Variants in MGAT4C observed in about 807,000 individuals in gnomAD.
MGAT4C encodes MGAT4 family member C.
A neutral mutation model predicts 40.1 loss-of-function variants in MGAT4C; 19 were observed. The ratio of observed to expected loss-of-function variants is 0.47; its 90% CI spans 0.33 to 0.70. The LOEUF is 0.70. Among genes scored for constraint, MGAT4C ranks in the 30% least tolerant of loss-of-function variants. The pLI is 0.02. For missense variants in MGAT4C, 491 were observed against 563.2 expected, an observed-to-expected ratio of 0.87 and a Z score of 1.30; for synonymous variants, 181 against 187.1, an observed-to-expected ratio of 0.97 and a Z score of 0.27.
chr12:86,678,957 G>T (rs1269168380), intron 2 of MGAT4C, among the ~76,000 whole-genome samples: 3 of 152,046 alleles, frequency 2.0e-5, no homozygotes, highest in Non-Finnish European at 4.4e-5. Context: ...TAATGGGATG[G>T]CTGGGTCAAA....
At chr12:85,987,273 G>A (rs1312275572) in intron 3 of MGAT4C, among the ~76,000 whole-genome samples, 63 of 148,958 alleles carry the variant, frequency 4.2e-4, no homozygotes, top group African/African-American at 1.4e-3. Flanking sequence ...AGTAGCTGGG[G>A]CTACAGGCGC....
chr12:86,586,954 T>G lies in MGAT4C; in HGVS notation c.-229+140255A>C, dbSNP rs572506109. Among the ~76,000 whole-genome samples the G allele has an allele frequency of 9.2e-5, 14 of 152,282 alleles. No individual in the cohort carries two copies. The East Asian group carries it at 2.5e-3, about 27-fold the overall frequency. On this transcript the variant is annotated intron_variant, in intron 2 of 7. Transcript: ENST00000548651. ...TTTGCTGTGCAGAAGCTCTTTAGTT[T>G]AATTAGATCTCATTTGTCAATGTTG...
At chr12:86,250,089 A>G (rs1421888802) in intron 1 of MGAT4C, among the ~76,000 whole-genome samples, 3 of 152,304 alleles carry the variant, frequency 2.0e-5, no homozygotes. Flanking sequence ...TTGTAGAATG[A>G]GTCAGAGCAC....
Position 86,656,079 on chromosome 12 carries a change from G to T in MGAT4C, c.-229+71130C>A, listed in dbSNP as rs537875365. On this transcript the variant is annotated intron_variant, in intron 2 of 7. Coordinates refer to the MGAT4C transcript ENST00000548651. The stretch of plus-strand genomic sequence containing the variant: ...ATTAATTGACTTTCTCATAAGTAGA[G>T]CTTCAGTAAAGGCTTAGGACTACAT... 3.3e-5 allele frequency among the ~76,000 whole-genome samples: 5 copies of T among 152,050 alleles called. No individual in the cohort carries two copies. The South Asian group carries it at 1.0e-3, about 32-fold the overall frequency.
intron 2 of MGAT4C, among the ~76,000 whole-genome samples, 199 bp downstream of exon 2, chr12:86,049,475 G>A (rs1336085466): frequency 6.6e-6 from 1 of 151,974 alleles, no homozygotes; most frequent in East Asian, 1.9e-4. Flanking sequence ...CTTGTACTCA[G>A]AAATGTTCAA....
chr12:86,722,077 G>A (rs572501449), intron 2 of MGAT4C, among the ~76,000 whole-genome samples: 6 of 152,176 alleles, frequency 3.9e-5, no homozygotes, highest in African/African-American at 1.4e-4. Context: ...ATAGAAGAAT[G>A]TTATGGCTGG....
rs1295591823 is a variant in MGAT4C at position 85,968,217 on chromosome 12, TGTTTA to T, written c.*11067_*11071del. 6.6e-6 allele frequency: 1 copy of T among 152,070 alleles called. No homozygotes were observed. The highest frequency in any genetic ancestry group is 1.5e-5 in the Non-Finnish European group (1 of 67,944). The allele number at this position is 152,070 out of a possible 1,614,324, so 9.4% of individuals were successfully genotyped here. On this transcript the variant is annotated 3_prime_UTR_variant, in exon 5 of 5. Transcript: ENST00000611864. The stretch of plus-strand genomic sequence containing the variant: ...AGTTTTTCTCCTTCTTTCTTGAATA[TGTTTA>T]GTTAATTTTGTGGAAAGAGGAAGGC...
intron 2 of MGAT4C, among the ~76,000 whole-genome samples, chr12:86,708,754 C>T (rs1950507796): frequency 6.6e-6 from 1 of 152,164 alleles, no homozygotes; most frequent in Non-Finnish European, 1.5e-5. Flanking sequence ...CTGATAGCCC[C>T]ACCAGATTTT....
chr12:86,166,541 G>A (rs970824369), intron 1 of MGAT4C, among the ~76,000 whole-genome samples: 1 of 152,064 alleles, frequency 6.6e-6, no homozygotes, highest in African/African-American at 2.4e-5. Context: ...CTGTGGTGGC[G>A]CAGGCTTGTA....
intron 2 of MGAT4C, among the ~76,000 whole-genome samples, chr12:86,561,751 T>A (rs1280374634): frequency 6.6e-6 from 1 of 152,174 alleles, no homozygotes; most frequent in African/African-American, 2.4e-5. Flanking sequence ...CATATATACA[T>A]CTATCCTATT....
chr12:86,054,522 A>G (rs892322568), intron 1 of MGAT4C, among the ~76,000 whole-genome samples: 2 of 151,990 alleles, frequency 1.3e-5, no homozygotes, highest in African/African-American at 4.8e-5. Flanking sequence ...CAGTTCAGTG[A>G]CTATAGTTAA....
chr12:86,002,376 T>C (rs576972936), intron 2 of MGAT4C: 2 of 152,172 alleles, frequency 1.3e-5, no homozygotes, highest in Admixed American at 6.5e-5. Flanking sequence ...CAAAAGAAAA[T>C]CTTAAATGTG....
chr12:86,332,089 T>G (rs908935023), intron 4 of MGAT4C, among the ~76,000 whole-genome samples: 1 of 152,114 alleles, frequency 6.6e-6, no homozygotes, highest in African/African-American at 2.4e-5. Flanking sequence ...CTTTGCTACT[T>G]CATGAAATTA....
intron 2 of MGAT4C, among the ~76,000 whole-genome samples, chr12:86,627,034 A>G (rs1030720225): frequency 3.3e-5 from 5 of 152,300 alleles, no homozygotes; most frequent in Admixed American, 2.0e-4. Context: ...CACTTTTCCA[A>G]TGGTCTTAGC....
intron 2 of MGAT4C, among the ~76,000 whole-genome samples, chr12:86,698,886 G>A (rs539616223): frequency 2.0e-5 from 3 of 152,154 alleles, no homozygotes; most frequent in South Asian, 4.2e-4. Context: ...AAACTCCCAC[G>A]TGCCTCAGGG....
rs142246078 is a variant in MGAT4C at position 86,181,626 on chromosome 12, A to G, written c.-57+74613T>C. 5.2e-4 allele frequency among the ~76,000 whole-genome samples: 79 copies of G among 152,296 alleles called. 1 individual carries two copies. Among genetic ancestry groups the G allele is most frequent in the African/African-American group, 1.9e-3 (77 of 41,572 alleles). ...TATGTAAGCAATTCTACATCTATCT[A>G]TCATGAACTTCCATTATGAAAAACA... is the stretch of plus-strand genomic sequence containing the variant. On this transcript the variant is annotated intron_variant, in intron 1 of 4. Transcript: ENST00000611864.
chr12:86,262,469 GC>G (rs1952678918), intron 4 of MGAT4C, among the ~76,000 whole-genome samples: 1 of 151,890 alleles, frequency 6.6e-6, no homozygotes, highest in Non-Finnish European at 1.5e-5. Context: ...TTCTTGCCTA[GC>G]TTATTAAATC....
intron 2 of MGAT4C, among the ~76,000 whole-genome samples, chr12:86,482,591 T>C (rs192379082): frequency 1.3e-5 from 2 of 152,216 alleles, no homozygotes; most frequent in Non-Finnish European, 2.9e-5. Flanking sequence ...CCTTATTTAT[T>C]CTCGAGAAAG....
In MGAT4C at chr12:86,779,795, C is replaced by A. The variant is rs548848180; in HGVS notation, c.-261-52554G>T. 3.4e-3 allele frequency among the ~76,000 whole-genome samples: 516 copies of A among 151,872 alleles called. 6 individuals carry two copies. The highest frequency in any genetic ancestry group is 0.012 in the African/African-American group (499 of 41,478). ...GGGCGTGGTGGCGGGCGCCTGTAGT[C>A]CCAGCTACTCAGGAGGCTGAGGCAG... On this transcript the variant is annotated intron_variant, in intron 1 of 7. Coordinates refer to the MGAT4C transcript ENST00000548651.
Sources: gnomAD v4.1 joint callset for allele counts (sites outside exome capture counted in the v4.1 genomes callset) on GRCh38, gnomAD v4.1.1 for gene constraint, MANE v1.5 for transcripts, NCBI Gene and HGNC (gene_info 2026-07-23, HGNC 2026-07-21) for gene names.